The following NTAQ1 variants were observed in gnomAD, a reference collection of about 807,000 sequenced individuals.
The protein encoded by NTAQ1 is protein N-terminal glutamine amidohydrolase.
In NTAQ1, 21 loss-of-function variants were observed where a neutral mutation model predicts 28.2. The ratio of observed to expected loss-of-function variants is 0.74; its 90% confidence interval spans 0.53 to 1.07. The LOEUF is 1.07. Ranked by LOEUF, NTAQ1 falls within the 50% of genes least tolerant of loss-of-function variation. NTAQ1 has a pLI of 0.00. For synonymous variants in NTAQ1, 105 were observed against 90.0 expected, an observed-to-expected ratio of 1.17 and a Z score of -0.94; for missense variants, 264 against 256.6, an observed-to-expected ratio of 1.03 and a Z score of -0.20.
downstream of NTAQ1, among the ~76,000 whole-genome samples, chr8:123,449,689 T>A (rs1815412358): frequency 1.3e-5 from 2 of 151,334 alleles, no homozygotes; most frequent in Admixed American, 6.6e-5. Flanking sequence ...GGGAGGAAGA[T>A]CAGGAGTTTT....
At chr8:123,472,709 G>C (rs535055255), downstream of NTAQ1, among the ~76,000 whole-genome samples, 1 of 152,302 alleles carries the variant, frequency 6.6e-6, no homozygotes, top group South Asian at 2.1e-4. Flanking sequence ...CAGAAACCCT[G>C]TTTCCAAACA....
At chr8:123,458,364 C>T (rs1361860198) in intron 6 of NTAQ1, among the ~76,000 whole-genome samples, 5 of 151,978 alleles carry the variant, frequency 3.3e-5, no homozygotes, top group African/African-American at 1.2e-4. Context: ...TATACCGCTC[C>T]GAGCCTGTTT....
the NTAQ1 span, among the ~76,000 whole-genome samples, chr8:123,475,648 A>G: frequency 6.6e-6 from 1 of 152,236 alleles, no homozygotes; most frequent in Non-Finnish European, 1.5e-5. Flanking sequence ...TCTCTAAGGC[A>G]TACTTCTACT....
chr8:123,418,092 G>A (rs1019023318), intron 1 of NTAQ1, among the ~76,000 whole-genome samples: 17 of 152,154 alleles, frequency 1.1e-4, no homozygotes, highest in African/African-American at 4.1e-4. Context: ...TGGGCACTGG[G>A]GATATAGCAG....
intron 6 of NTAQ1, among the ~76,000 whole-genome samples, chr8:123,460,056 C>T (rs1382601367): frequency 6.6e-6 from 1 of 151,988 alleles, no homozygotes; most frequent in Non-Finnish European, 1.5e-5. Flanking sequence ...TGCCTCGGCC[C>T]CCCAAAGGGC....
downstream of NTAQ1, among the ~76,000 whole-genome samples, chr8:123,442,879 G>A (rs56098264): frequency 0.19 from 28,924 of 151,466 alleles, 3,122 homozygotes; most frequent in Non-Finnish European, 0.25. Context: ...CGTTGGCCAG[G>A]CTGGTCTTGA....
chr8:123,473,356 C>T (rs1056913272), downstream of NTAQ1, among the ~76,000 whole-genome samples: 5 of 148,694 alleles, frequency 3.4e-5, no homozygotes, highest in African/African-American at 1.0e-4. Context: ...AGTGCAGTGG[C>T]GCGATCTTGG....
chr8:123,436,646 T>C, intron 4 of NTAQ1, 45 bp downstream of exon 4: 1 of 1,585,630 alleles, frequency 6.3e-7, no homozygotes, highest in Non-Finnish European at 8.6e-7. Flanking sequence ...GAAGTAAGAA[T>C]TTGACGATTC....
At chr8:123,438,431 G>C (rs1266545420) in intron 5 of NTAQ1, among the ~76,000 whole-genome samples, 5 of 152,106 alleles carry the variant, frequency 3.3e-5, no homozygotes, top group Non-Finnish European at 7.3e-5. Flanking sequence ...TGAGGTGGGT[G>C]GACCACCTGA....
chr8:123,435,622 T>A, intron 3 of NTAQ1: 13 of 783,730 alleles, frequency 1.7e-5, no homozygotes, highest in Non-Finnish European at 2.0e-5. Flanking sequence ...ATTCCAGGAC[T>A]TTGGGAGGCT....
intron 2 of NTAQ1, 33 bp from the exon 3 acceptor site, chr8:123,429,949 AG>A (rs1814295825): frequency 6.5e-7 from 1 of 1,531,760 alleles, no homozygotes. Flanking sequence ...GTTTAACTAA[AG>A]GTATGGCTTA....
chr8:123,470,555 G>A (rs954070113), downstream of NTAQ1, among the ~76,000 whole-genome samples: 1 of 152,230 alleles, frequency 6.6e-6, no homozygotes, highest in African/African-American at 2.4e-5. Context: ...TGTGTTGACT[G>A]TATTCACTTA....
chr8:123,422,109 C>CCAGT (rs1554650741), intron 1 of NTAQ1, among the ~76,000 whole-genome samples: 1 of 151,602 alleles, frequency 6.6e-6, no homozygotes, highest in Non-Finnish European at 1.5e-5. Context: ...AGCCACTGTG[C>CCAGT]CTATCTGCTT....
downstream of NTAQ1, among the ~76,000 whole-genome samples, chr8:123,452,125 T>C (rs1815514883): frequency 6.6e-6 from 1 of 152,210 alleles, no homozygotes; most frequent in African/African-American, 2.4e-5. Context: ...AAGCACCATG[T>C]CTAGTGTCTG....
At chr8:123,419,045 G>A (rs193162857) in intron 1 of NTAQ1, among the ~76,000 whole-genome samples, 222 of 151,126 alleles carry the variant, frequency 1.5e-3, no homozygotes, top group African/African-American at 5.2e-3. Flanking sequence ...CATCAGGTGG[G>A]GACACCACAC....
intron 2 of NTAQ1, 63 bp downstream of exon 2, chr8:123,428,086 T>TA (rs34896896): frequency 5.9e-4 from 623 of 1,047,396 alleles, no homozygotes; most frequent in Non-Finnish European, 7.2e-4. Context: ...GAAGCTAAAT[T>TA]AAAAAAAAAA....
Position 123,428,040 on chromosome 8 carries a change from T to C in NTAQ1, c.183+17T>C, listed in dbSNP as rs1330596479. On this transcript the variant is annotated intron_variant, in intron 2 of 5. Coordinates refer to ENST00000287387, the MANE Select transcript of NTAQ1 (RefSeq NM_018024.3). ...AGGAAGATGGTAAGTTGGTGAGTGA[T>C]TGCAGAAAGAAAACAAGAGATTTAG... 2.1e-5 allele frequency: 33 copies of C among 1,547,814 alleles called. No individual in the cohort carries two copies. The highest frequency in any genetic ancestry group is 2.9e-5 in the Non-Finnish European group (33 of 1,142,684).
chr8:123,435,737 GGT>G (rs1156499484), intron 3 of NTAQ1, among the ~76,000 whole-genome samples: 3 of 151,886 alleles, frequency 2.0e-5, no homozygotes, highest in Non-Finnish European at 4.4e-5. Context: ...CGTGGTGGCG[GGT>G]GTCTGTAGTC....
chr8:123,465,040 G>A (rs1269691703), intron 6 of NTAQ1, among the ~76,000 whole-genome samples: 2 of 151,720 alleles, frequency 1.3e-5, no homozygotes, highest in Non-Finnish European at 1.5e-5. Flanking sequence ...TCTGTCTCAG[G>A]AAAAAAAAGT....
Sources: allele counts gnomAD v4.1 joint callset (sites outside exome capture counted in the v4.1 genomes callset), GRCh38; gene constraint gnomAD v4.1.1; transcripts MANE v1.5; gene names NCBI Gene and HGNC (gene_info 2026-07-23, HGNC 2026-07-21).